The following RAB38 variants were observed in gnomAD, a reference collection of about 807,000 sequenced individuals.
The protein encoded by RAB38 is ras-related protein Rab-38.
RAB38 carries 15 observed loss-of-function variants against 18.4 expected under a neutral mutation model. That is an observed-to-expected ratio of 0.82 (90% CI 0.55 to 1.26). The LOEUF (loss-of-function observed/expected upper bound fraction) is 1.26. RAB38 is among the 50% of genes most tolerant of loss of function. The probability of loss-of-function intolerance (pLI) is 0.00; values close to 1 mark genes in which losing one functional copy is unlikely to be tolerated. For synonymous variants in RAB38, 101 were observed against 104.4 expected, an observed-to-expected ratio of 0.97 and a Z score of 0.20; for missense variants, 294 against 267.4, an observed-to-expected ratio of 1.10 and a Z score of -0.69.
chr11:87,823,599 G>T, the RAB38 span, among the ~76,000 whole-genome samples: 1 of 152,110 alleles, frequency 6.6e-6, no homozygotes. Flanking sequence ...AGAAAGTTCA[G>T]AAATATATCC....
the RAB38 span, among the ~76,000 whole-genome samples, chr11:88,059,356 G>A: frequency 6.6e-6 from 1 of 151,952 alleles, no homozygotes; most frequent in Non-Finnish European, 1.5e-5. Flanking sequence ...TCTTAATAGG[G>A]GTATAATTCA....
downstream of RAB38, among the ~76,000 whole-genome samples, chr11:88,109,056 G>A (rs1942439626): frequency 6.6e-6 from 1 of 152,018 alleles, no homozygotes; most frequent in Non-Finnish European, 1.5e-5. Flanking sequence ...CTTTCTCTCT[G>A]GCTGCCCTTA....
At chr11:87,836,517 AG>A in the RAB38 span, among the ~76,000 whole-genome samples, 1 of 152,134 alleles carries the variant, frequency 6.6e-6, no homozygotes, top group East Asian at 1.9e-4. Flanking sequence ...ATCTGAGCTC[AG>A]CATACCATCA....
the RAB38 span, among the ~76,000 whole-genome samples, chr11:88,031,906 G>A: frequency 2.0e-5 from 3 of 151,944 alleles, no homozygotes; most frequent in Admixed American, 2.0e-4. Flanking sequence ...AAGCAAAAAA[G>A]AGCCCGCATC....
chr11:87,909,194 A>G, the RAB38 span, among the ~76,000 whole-genome samples: 1 of 151,958 alleles, frequency 6.6e-6, no homozygotes, highest in African/African-American at 2.4e-5. Context: ...CTATTGGGAA[A>G]ATTTCTTGAA....
At chr11:87,950,858 T>C in the RAB38 span, among the ~76,000 whole-genome samples, 1 of 152,204 alleles carries the variant, frequency 6.6e-6, no homozygotes, top group African/African-American at 2.4e-5. Context: ...CAGACAATTA[T>C]GTGTCTTGGA....
the RAB38 span, among the ~76,000 whole-genome samples, chr11:88,018,477 C>T: frequency 2.9e-4 from 44 of 152,220 alleles, no homozygotes; most frequent in African/African-American, 1.0e-3. Context: ...TATCTATTTT[C>T]CTTTATGGCA....
chr11:87,960,435 TG>T, the RAB38 span, among the ~76,000 whole-genome samples: 1 of 150,610 alleles, frequency 6.6e-6, no homozygotes, highest in East Asian at 1.9e-4. Context: ...ACAGAAGCCC[TG>T]GGCATGACTG....
downstream of RAB38, among the ~76,000 whole-genome samples, chr11:88,110,020 A>G (rs112718248): frequency 0.074 from 11,213 of 152,232 alleles, 713 homozygotes; most frequent in African/African-American, 0.17. Flanking sequence ...ATTACTGGGC[A>G]TATACCCAAA....
At chr11:88,103,671 T>G in the RAB38 span, among the ~76,000 whole-genome samples, 70 of 146,964 alleles carry the variant, frequency 4.8e-4, 1 homozygote, top group East Asian at 6.2e-3. Context: ...TTACTCTAAT[T>G]AATACACTGT....
At chr11:88,109,231 C>G (rs1942441591), downstream of RAB38, among the ~76,000 whole-genome samples, 1 of 152,058 alleles carries the variant, frequency 6.6e-6, no homozygotes, top group African/African-American at 2.4e-5. Context: ...CATCTAAAAC[C>G]TGGCTCTTTG....
At chr11:87,914,255 CAT>C in the RAB38 span, among the ~76,000 whole-genome samples, 1 of 152,008 alleles carries the variant, frequency 6.6e-6, no homozygotes, top group Non-Finnish European at 1.5e-5. Flanking sequence ...TTGATAGAAA[CAT>C]AGACAGTAAA....
chr11:88,157,736 A>G (rs1046583012), intron 1 of RAB38, among the ~76,000 whole-genome samples: 3 of 152,208 alleles, frequency 2.0e-5, no homozygotes, highest in Non-Finnish European at 4.4e-5. Context: ...CTTTTGAATG[A>G]CTTTCGGATA....
the RAB38 span, among the ~76,000 whole-genome samples, chr11:88,068,882 G>C: frequency 2.0e-5 from 3 of 152,204 alleles, no homozygotes; most frequent in African/African-American, 7.2e-5. Context: ...GGTACTGAGA[G>C]GTGACAACAT....
the RAB38 span, among the ~76,000 whole-genome samples, chr11:87,940,154 A>G: frequency 7.1e-6 from 1 of 140,960 alleles, no homozygotes; most frequent in Admixed American, 7.7e-5. Context: ...TTGGACATTT[A>G]CCCAGATAAT....
the RAB38 span, among the ~76,000 whole-genome samples, chr11:87,876,620 T>C: frequency 6.6e-6 from 1 of 151,614 alleles, no homozygotes; most frequent in Non-Finnish European, 1.5e-5. Flanking sequence ...TGAGTCTATG[T>C]CTCTTCTTGA....
At chr11:87,805,004 T>C in the RAB38 span, among the ~76,000 whole-genome samples, 22 of 152,198 alleles carry the variant, frequency 1.4e-4, no homozygotes, top group Non-Finnish European at 2.6e-4. Flanking sequence ...TTCAAGGTTG[T>C]TGCTTCTTCA....
the RAB38 span, among the ~76,000 whole-genome samples, chr11:88,069,405 T>C: frequency 2.0e-5 from 3 of 152,126 alleles, no homozygotes; most frequent in Admixed American, 6.5e-5. Flanking sequence ...CCCAATTGCA[T>C]CACCACCCAA....
At chr11:87,925,866 G>T in the RAB38 span, among the ~76,000 whole-genome samples, 1 of 151,440 alleles carries the variant, frequency 6.6e-6, no homozygotes, top group African/African-American at 2.4e-5. Flanking sequence ...GATCTGGAAG[G>T]GTTTTCCACA....
Sources: allele counts gnomAD v4.1 joint callset (sites outside exome capture counted in the v4.1 genomes callset), GRCh38; gene constraint gnomAD v4.1.1; transcripts MANE v1.5; gene names NCBI Gene and HGNC (gene_info 2026-07-23, HGNC 2026-07-21).